Variants in CHN1 observed in about 807,000 individuals in gnomAD.
CHN1 encodes chimerin 1.
In CHN1, 37 loss-of-function variants were observed where a neutral mutation model predicts 59.5. The observed-to-expected ratio is 0.62, with a 90% CI of 0.48 to 0.82. The LOEUF (loss-of-function observed/expected upper bound fraction) is 0.82, where lower values mean the gene tolerates loss of function less well. Ranked by LOEUF, CHN1 falls within the 40% of genes least tolerant of loss-of-function variation. The pLI is 0.00. For missense variants in CHN1, 469 were observed against 571.0 expected (o/e 0.82, Z 1.82); for synonymous variants, 206 against 200.4 (o/e 1.03, Z -0.24).
Position 175,005,232 on chromosome 2 carries a change from C to A in CHN1, c.-320G>T. 8.4e-7 allele frequency: 1 copy of A among 1,191,812 alleles called. No homozygotes were observed. Among genetic ancestry groups the A allele is most frequent in the Non-Finnish European group, 1.0e-6 (1 of 960,056 alleles). The allele number at this position is 1,191,812 out of a possible 1,614,324, so 73.8% of individuals were successfully genotyped here. On this transcript the variant is annotated 5_prime_UTR_variant, in exon 1 of 13. Transcript: ENST00000409900. ...TGCGAGGCAGGAGGCTTGGCCGCGG[C>A]GCAGTGGCTGGCGGAGAGGCGGCGC...
chr2:174,821,713 A>G (rs1251457374), intron 8 of CHN1: 9 of 457,562 alleles, frequency 2.0e-5, no homozygotes, highest in African/African-American at 6.1e-5. Context: ...TCTTGGAAGC[A>G]GAGTTGGACC....
At chr2:174,825,417 T>C (rs1685652852) in intron 7 of CHN1, among the ~76,000 whole-genome samples, 1 of 152,206 alleles carries the variant, frequency 6.6e-6, no homozygotes, top group Admixed American at 6.5e-5. Context: ...TTGAGTACAG[T>C]AATTATTCAC....
chr2:174,994,537 T>TG (rs1416505502), intron 1 of CHN1, among the ~76,000 whole-genome samples: 1 of 151,996 alleles, frequency 6.6e-6, no homozygotes, highest in Non-Finnish European at 1.5e-5. Context: ...CTTCATCCAA[T>TG]GGGGGGACAC....
chr2:174,801,872 T>C (rs1225530367), intron 11 of CHN1, 60 bp from the exon 12 acceptor site: 4 of 1,187,508 alleles, frequency 3.4e-6, no homozygotes, highest in Admixed American at 1.7e-5. Context: ...ATACAAATGG[T>C]TCACTGAATT....
chr2:174,887,470 C>A (rs1436580085), intron 5 of CHN1, among the ~76,000 whole-genome samples: 1 of 152,010 alleles, frequency 6.6e-6, no homozygotes, highest in Non-Finnish European at 1.5e-5. Context: ...CTCAAATAAT[C>A]CCTCCAGTGT....
At position 174,900,845 on chromosome 2, in the gene CHN1, G is replaced by A. The variant is rs147703014; in HGVS notation, c.260+14213C>T. ...TAACTATCAAATATCTTGTGGAGGT[G>A]TGCTATCTAGGGCAAAGAAAAATGG... On this transcript the variant is annotated intron_variant, in intron 5 of 12. Coordinates refer to ENST00000409900, the MANE Select transcript of CHN1 (RefSeq NM_001822.7). 4.3e-3 allele frequency among the ~76,000 whole-genome samples: 651 copies of A among 151,866 alleles called. 3 individuals carry two copies. The highest frequency in any genetic ancestry group is 0.015 in the African/African-American group (611 of 41,444).
At chr2:174,931,050 G>A (rs1477002563) in intron 3 of CHN1, among the ~76,000 whole-genome samples, 1 of 151,862 alleles carries the variant, frequency 6.6e-6, no homozygotes, top group African/African-American at 2.4e-5. Context: ...TTATAGGCAT[G>A]AGCCACTGCG....
At chr2:174,869,039 C>A (rs1250983700) in intron 6 of CHN1, among the ~76,000 whole-genome samples, 1 of 152,040 alleles carries the variant, frequency 6.6e-6, no homozygotes, top group Non-Finnish European at 1.5e-5. Context: ...CTGTTCAGGC[C>A]AGAGAGGAAG....
intron 1 of CHN1, among the ~76,000 whole-genome samples, chr2:174,997,277 G>A (rs1033981025): frequency 2.6e-5 from 4 of 152,170 alleles, no homozygotes; most frequent in South Asian, 2.1e-4. Context: ...GACCTCGAAC[G>A]TCCTCTGCTT....
At position 174,799,773 on chromosome 2, in the gene CHN1, G is replaced by T. The variant is rs1428329158; in HGVS notation, c.*343C>A. The T allele has an allele frequency of 1.8e-6, 1 of 541,544 alleles. No individual in the cohort carries two copies. Among genetic ancestry groups the T allele is most frequent in the Non-Finnish European group, 3.6e-6 (1 of 281,586 alleles). 33.5% of individuals were successfully genotyped at this position (541,544 alleles called of 1,614,324 possible). On this transcript the variant is annotated 3_prime_UTR_variant, in exon 13 of 13. Coordinates refer to ENST00000409900, the MANE Select transcript of CHN1 (RefSeq NM_001822.7). ...ACAGGCTTACTCTGTGAAACATGCTGGATTACAAGCACAGACTACCCAGGA... is the reference window on the plus strand; with the variant it reads ...ACAGGCTTACTCTGTGAAACATGCTTGATTACAAGCACAGACTACCCAGGA...
chr2:174,977,252 G>C (rs1690976952), intron 1 of CHN1, among the ~76,000 whole-genome samples: 1 of 152,168 alleles, frequency 6.6e-6, no homozygotes, highest in South Asian at 2.1e-4. Context: ...TGACCAGCTT[G>C]TCAACCTTAG....
intron 1 of CHN1, among the ~76,000 whole-genome samples, chr2:174,971,818 C>T (rs190907441): frequency 2.8e-4 from 43 of 152,240 alleles, no homozygotes; most frequent in Non-Finnish European, 5.3e-4. Context: ...AAGTTAGAAA[C>T]AAGGCAAACA....
intron 5 of CHN1, among the ~76,000 whole-genome samples, chr2:174,890,003 A>G (rs947444394): frequency 1.3e-5 from 2 of 152,178 alleles, no homozygotes; most frequent in South Asian, 2.1e-4. Flanking sequence ...GAAAGCAACC[A>G]GAGAAGAGAG....
At chr2:174,910,777 G>A (rs952940272) in intron 5 of CHN1, among the ~76,000 whole-genome samples, 1 of 151,904 alleles carries the variant, frequency 6.6e-6, no homozygotes, top group East Asian at 1.9e-4. Flanking sequence ...GCGGGCGCCT[G>A]TAGTCCCAGC....
At chr2:174,938,029 A>T (rs1406769606) in intron 3 of CHN1, among the ~76,000 whole-genome samples, 1 of 152,172 alleles carries the variant, frequency 6.6e-6, no homozygotes, top group African/African-American at 2.4e-5. Flanking sequence ...CTAATTCCTC[A>T]GTTAAAAAAA....
chr2:174,869,347 G>C lies in CHN1; in HGVS notation c.549+8493C>G, dbSNP rs537813618. ...GTTTACATTCCAAAATTGGAGTTAA[G>C]GAAGGTAGATATTAAAGATAATTAG... On this transcript the variant is annotated intron_variant, in intron 6 of 12. Coordinates refer to ENST00000409900, the MANE Select transcript of CHN1 (RefSeq NM_001822.7). Among the ~76,000 whole-genome samples, 13 of 152,194 alleles carry C rather than the reference G, an allele frequency of 8.5e-5. No individual in the cohort carries two copies. In the East Asian group the frequency reaches 2.3e-3, roughly 27 times the overall value.
intron 8 of CHN1, chr2:174,821,859 C>G (rs188620628): frequency 9.1e-4 from 299 of 330,350 alleles, no homozygotes; most frequent in Non-Finnish European, 1.5e-3. Flanking sequence ...CTCCCCATCT[C>G]AATATCCTTA....
intron 8 of CHN1, among the ~76,000 whole-genome samples, chr2:174,816,761 A>G (rs1300730273): frequency 6.6e-6 from 1 of 152,110 alleles, no homozygotes; most frequent in African/African-American, 2.4e-5. Context: ...GGGAGTAATA[A>G]AAGCATATTT....
intron 1 of CHN1, among the ~76,000 whole-genome samples, chr2:174,972,845 C>G (rs1690801926): frequency 6.6e-6 from 1 of 152,054 alleles, no homozygotes; most frequent in Non-Finnish European, 1.5e-5. Context: ...AAATATAACC[C>G]CTTAGTATGC....
Sources: gnomAD v4.1 joint callset for allele counts (sites outside exome capture counted in the v4.1 genomes callset) on GRCh38, gnomAD v4.1.1 for gene constraint, MANE v1.5 for transcripts, NCBI Gene and HGNC (gene_info 2026-07-23, HGNC 2026-07-21) for gene names.